Variants in ZNF541 observed in about 807,000 individuals in gnomAD.
The protein encoded by ZNF541 is zinc finger protein 541.
Under a neutral mutation model 123.5 loss-of-function variants are expected in ZNF541, and 23 were observed. The observed-to-expected ratio is 0.19, with a 90% CI of 0.13 to 0.26. The LOEUF is 0.26. Among genes scored for constraint, ZNF541 ranks in the 10% least tolerant of loss-of-function variants. The probability of loss-of-function intolerance (pLI) is 1.00; values close to 1 mark genes in which losing one functional copy is unlikely to be tolerated. For synonymous variants in ZNF541, 751 were observed against 754.5 expected (o/e 1.00, Z 0.08); for missense variants, 1,612 against 1,789.9 (o/e 0.90, Z 1.79).
intron 4 of ZNF541, among the ~76,000 whole-genome samples, chr19:47,546,922 G>T: frequency 6.6e-6 from 1 of 152,130 alleles, no homozygotes; most frequent in East Asian, 1.9e-4. Context: ...GTTTTGCCTT[G>T]TTGGCCAAGC....
chr19:47,553,883 T>C (rs1016150354), intron 3 of ZNF541, among the ~76,000 whole-genome samples: 1 of 152,178 alleles, frequency 6.6e-6, no homozygotes, highest in Non-Finnish European at 1.5e-5. Flanking sequence ...TAAACTGACT[T>C]TGAGGAAAAT....
chr19:47,534,754 G>C lies in ZNF541; in HGVS notation c.3095-1782C>G, dbSNP rs557715697. Among the ~76,000 whole-genome samples the C allele has an allele frequency of 3.9e-5, 6 of 152,092 alleles. No homozygotes were observed. In the South Asian group the frequency reaches 1.2e-3, roughly 32 times the overall value. ...ATAAGGATAAGTATACAGATCAATAGAATTGAACACCCAGAAATACACCCA... is the reference window on the plus strand; with the variant it reads ...ATAAGGATAAGTATACAGATCAATACAATTGAACACCCAGAAATACACCCA... On this transcript the variant is annotated intron_variant, in intron 9 of 16. Transcript: ENST00000391901.
At chr19:47,526,315 C>T (rs1969292455) in intron 14 of ZNF541, among the ~76,000 whole-genome samples, 2 of 151,930 alleles carry the variant, frequency 1.3e-5, no homozygotes, top group Admixed American at 1.3e-4. Flanking sequence ...AACCCCGTCC[C>T]TACTAAAAAT....
At chr19:47,569,113 A>G (rs1436868553) in intron 2 of ZNF541, among the ~76,000 whole-genome samples, 4 of 151,984 alleles carry the variant, frequency 2.6e-5, no homozygotes, top group Non-Finnish European at 5.9e-5. Flanking sequence ...TTTGAAAATG[A>G]TTAGATTTGA....
In ZNF541 at chr19:47,544,377, C is replaced by T; in HGVS notation, c.2152G>A (p.Ala718Thr). The change falls in exon 5 of 17, where the codon GCC (alanine) becomes ACC (threonine). Residue 718 changes from alanine to threonine, a missense_variant. Ala to Thr is a moderately conservative substitution (Grantham distance 58). This residue lies in a region of ZNF541 where 1,080 missense variants were observed against 1,013.8 expected (regional missense o/e 1.07). Coordinates refer to ENST00000391901, the MANE Select transcript of ZNF541 (RefSeq NM_001277075.3). Reference sequence around the variant, plus strand: ...GAAGCCGCGCCATTCTCGGCTGGGGCCTGCTTCCCTGGCAGCGAGGCTCCT... The same window carrying T: ...GAAGCCGCGCCATTCTCGGCTGGGGTCTGCTTCCCTGGCAGCGAGGCTCCT... ...PPGASLPGKQ[A>T]PAENGAASRI... The T allele has an allele frequency of 6.4e-7, 1 of 1,551,640 alleles. No homozygotes were observed. Among genetic ancestry groups the T allele is most frequent in the Non-Finnish European group, 8.7e-7 (1 of 1,147,010 alleles).
At chr19:47,562,226 G>A in intron 2 of ZNF541, among the ~76,000 whole-genome samples, 1 of 151,786 alleles carries the variant, frequency 6.6e-6, no homozygotes, top group South Asian at 2.1e-4. Flanking sequence ...TCCAGCCTGG[G>A]CGACAGAGAC....
intron 2 of ZNF541, among the ~76,000 whole-genome samples, chr19:47,563,913 C>T (rs1221659912): frequency 6.6e-6 from 1 of 152,216 alleles, no homozygotes; most frequent in South Asian, 2.1e-4. Context: ...GCCTAAAAAT[C>T]GTATTTATTA....
At chr19:47,559,281 A>G (rs569857231) in intron 2 of ZNF541, among the ~76,000 whole-genome samples, 16 of 152,100 alleles carry the variant, frequency 1.1e-4, no homozygotes, top group African/African-American at 3.6e-4. Flanking sequence ...CTGAGGCACA[A>G]GAATCACTTG....
intron 4 of ZNF541, among the ~76,000 whole-genome samples, chr19:47,548,442 C>CAAAA (rs574466068): frequency 1.7e-5 from 1 of 60,352 alleles, no homozygotes. Context: ...GACTCCATCT[C>CAAAA]AAAAAAAAAA....
intron 3 of ZNF541, among the ~76,000 whole-genome samples, chr19:47,554,003 AT>A (rs1970713219): frequency 6.6e-6 from 1 of 152,242 alleles, no homozygotes; most frequent in Non-Finnish European, 1.5e-5. Context: ...TGGAATAGCT[AT>A]TTCAGTGACC....
At chr19:47,526,146 G>C (rs749367971) in intron 14 of ZNF541, among the ~76,000 whole-genome samples, 1 of 152,050 alleles carries the variant, frequency 6.6e-6, no homozygotes, top group Non-Finnish European at 1.5e-5. Flanking sequence ...CTGGATAAAT[G>C]ACGTGTCCTG....
intron 14 of ZNF541, among the ~76,000 whole-genome samples, chr19:47,528,568 T>C (rs1463576228): frequency 1.3e-5 from 2 of 152,034 alleles, no homozygotes; most frequent in Non-Finnish European, 2.9e-5. Context: ...CCTCCCGCCT[T>C]TGGCCTCCCA....
intron 5 of ZNF541, 60 bp from the exon 6 acceptor site, chr19:47,541,011 A>C: frequency 1.4e-6 from 2 of 1,473,152 alleles, no homozygotes; most frequent in Non-Finnish European, 1.8e-6. Context: ...GAAGAGCTCA[A>C]ATTACAGACT....
chr19:47,563,327 T>C (rs544615140), intron 2 of ZNF541, among the ~76,000 whole-genome samples: 1 of 152,178 alleles, frequency 6.6e-6, no homozygotes, highest in African/African-American at 2.4e-5. Context: ...TTCTGCATCA[T>C]TGCCTATGAC....
At position 47,544,739 on chromosome 19, in the gene ZNF541, C is replaced by A; in HGVS notation, c.1790G>T (p.Trp597Leu). The change falls in exon 5 of 17, where the codon TGG (tryptophan) becomes TTG (leucine). Residue 597 changes from tryptophan (W) to leucine (L), a missense_variant. Transcript: ENST00000391901. ...AGCCAGTGGTGGGGGCTGCTGCGGCCACGGCCCCTGCAGCGGCCTCAGGGC... is the reference window on the plus strand; with the variant it reads ...AGCCAGTGGTGGGGGCTGCTGCGGCAACGGCCCCTGCAGCGGCCTCAGGGC... ...PAALRPLQGP[W>L]PQQPPPLAPA... The A allele has an allele frequency of 6.7e-7, 1 of 1,500,224 alleles. No individual in the cohort carries two copies. Among genetic ancestry groups the A allele is most frequent in the Non-Finnish European group, 8.9e-7 (1 of 1,127,168 alleles). 92.9% of individuals were successfully genotyped at this position (1,500,224 alleles called of 1,614,324 possible).
In ZNF541 at chr19:47,526,495, A is replaced by AG. The variant is rs1210102978; in HGVS notation, c.3570+2454_3570+2455insC. 4.0e-4 allele frequency among the ~76,000 whole-genome samples: 59 copies of AG among 147,510 alleles called. 2 individuals carry two copies. The highest frequency in any genetic ancestry group is 1.8e-3 in the East Asian group (9 of 5,120). ...AGACTCCATCTCAAAAAAAAAAAAA[A>AG]AAAAAGAAAACACAGACATCTCAAT... On this transcript the variant is annotated intron_variant, in intron 14 of 16. Transcript: ENST00000391901.
At position 47,545,110 on chromosome 19, in the gene ZNF541, G is replaced by A; in HGVS notation, c.1419C>T (p.Pro473=). Residue 473 remains proline, a synonymous_variant, in exon 5 of 17, where the codon CCC becomes CCT. Transcript: ENST00000391901. The surrounding 1 kb of genome is among the most constrained non-coding windows in gnomAD (Gnocchi z 7.5). ...GPGGGLEDAL[P]FPAALLRVPA... ...GGACCCTGAGGAGCGCGGCAGGGAA[G>A]GGCAGAGCATCCTCCAGGCCACCGC... 6.7e-7 allele frequency: 1 copy of A among 1,482,174 alleles called. No individual in the cohort carries two copies. 91.8% of individuals were successfully genotyped at this position (1,482,174 alleles called of 1,614,324 possible).
In ZNF541 at chr19:47,539,863, A is replaced by C; in HGVS notation, c.2638T>G (p.Phe880Val). The C allele has an allele frequency of 1.3e-6, 2 of 1,521,910 alleles. No individual in the cohort carries two copies. The allele number at this position is 1,521,910 out of a possible 1,614,324, so 94.3% of individuals were successfully genotyped here. The change falls in exon 8 of 17, where the codon TTT becomes GTT. Residue 880 changes from phenylalanine to valine, a missense_variant. Physicochemically the swap from Phe to Val is conservative, Grantham distance 50. This residue lies in a region of ZNF541 where 1,080 missense variants were observed against 1,013.8 expected (regional missense o/e 1.07). Coordinates refer to ENST00000391901, the MANE Select transcript of ZNF541 (RefSeq NM_001277075.3). ...KQEPQVFGTE[F>V]CKPLRQVLRP... is the part of the protein sequence containing the mutation. ...AGCACCTGTCTTAGCGGCTTGCAAA[A>C]CTCTGTGCCAAACACCTAAACACAG... is the stretch of plus-strand genomic sequence containing the variant.
At chr19:47,556,478 G>A (rs1442595635) in intron 2 of ZNF541, among the ~76,000 whole-genome samples, 1 of 152,094 alleles carries the variant, frequency 6.6e-6, no homozygotes, top group African/African-American at 2.4e-5. Context: ...AATCGAAAAT[G>A]GATAATTTTT....
Sources: allele counts gnomAD v4.1 joint callset (sites outside exome capture counted in the v4.1 genomes callset), GRCh38; gene constraint gnomAD v4.1.1; regional missense constraint gnomAD v4.1.1; non-coding constraint Gnocchi (gnomAD v3.1); transcripts MANE v1.5; gene names NCBI Gene and HGNC (gene_info 2026-07-23, HGNC 2026-07-21).